Variants in ENPP3 observed in about 807,000 individuals in gnomAD.
The protein encoded by ENPP3 is ectonucleotide pyrophosphatase/phosphodiesterase 3.
Under a neutral mutation model 117.8 loss-of-function variants are expected in ENPP3, and 104 were observed. That is an observed-to-expected ratio of 0.88 (90% CI 0.75 to 1.04). The LOEUF is 1.04. Ranked by LOEUF, ENPP3 falls within the 50% of genes least tolerant of loss-of-function variation. The pLI, the probability that ENPP3 is intolerant of heterozygous loss-of-function variation, is 0.00. For missense variants in ENPP3, 1,026 were observed against 1,051.9 expected, an observed-to-expected ratio of 0.98 and a Z score of 0.34; for synonymous variants, 380 against 349.9, an observed-to-expected ratio of 1.09 and a Z score of -0.96.
rs1471370638 is a variant in ENPP3, at chr6:131,674,296, A to G, written c.762+15A>G. ...ATGGGCAACCAGTATGTAGCATTCTACACGTCGCAACTGAAGTAACCTCCA... is the reference window on the plus strand; with the variant it reads ...ATGGGCAACCAGTATGTAGCATTCTGCACGTCGCAACTGAAGTAACCTCCA... On this transcript the variant is annotated intron_variant, in intron 8 of 24. Transcript: ENST00000357639. 6.2e-7 allele frequency: 1 copy of G among 1,612,996 alleles called. No homozygotes were observed. The highest frequency in any genetic ancestry group is 1.7e-5 in the Admixed American group (1 of 60,006).
chr6:131,655,132 T>A (rs1778359101), intron 5 of ENPP3, among the ~76,000 whole-genome samples: 1 of 152,158 alleles, frequency 6.6e-6, no homozygotes, highest in South Asian at 2.1e-4. Flanking sequence ...CTAGTGAAAT[T>A]TTTCTATAGT....
rs1554268188 is a variant in ENPP3 at position 131,723,827 on chromosome 6, T to TCA, written c.1747-186_1747-185dup. On this transcript the variant is annotated intron_variant, in intron 18 of 24. Transcript: ENST00000357639. ...TTCTCTCTCTCTCTCTCTCTCTCTC[T>TCA]CACACACACACACACACACACACAC... 2.5e-3 allele frequency among the ~76,000 whole-genome samples: 372 copies of TCA among 145,920 alleles called. 1 individual carries two copies. Among genetic ancestry groups the TCA allele is most frequent in the Middle Eastern group, 7.2e-3 (2 of 278 alleles).
chr6:131,732,281 A>T (rs1443517899), intron 20 of ENPP3, among the ~76,000 whole-genome samples: 1 of 152,216 alleles, frequency 6.6e-6, no homozygotes, highest in African/African-American at 2.4e-5. Flanking sequence ...CTTACCCATG[A>T]TTATATGCTA....
chr6:131,641,428 A>C (rs1183550580), intron 1 of ENPP3, 27 bp from the exon 2 acceptor site: 29 of 1,532,070 alleles, frequency 1.9e-5, no homozygotes, highest in Non-Finnish European at 2.5e-5. Flanking sequence ...AAAAATTATA[A>C]AAGTTACTTT....
rs1780449377 is a variant in ENPP3, at chr6:131,738,463, T to C, written c.2300+300T>C. Among the ~76,000 whole-genome samples, 3 of 151,304 alleles carry C rather than the reference T, an allele frequency of 2.0e-5. No homozygotes were observed. The South Asian group carries it at 6.2e-4, about 31-fold the overall frequency. On this transcript the variant is annotated intron_variant, in intron 23 of 24. Transcript: ENST00000357639. The stretch of plus-strand genomic sequence containing the variant: ...AAAGGCTAAGGAGGTAGACAAAACT[T>C]GATGTACTATCAATGAGTATAAAAC...
At chr6:131,721,674 TC>T (rs1476846772) in intron 17 of ENPP3, among the ~76,000 whole-genome samples, 2 of 151,926 alleles carry the variant, frequency 1.3e-5, no homozygotes, top group African/African-American at 4.9e-5. Context: ...ATTCACTAGT[TC>T]CATTTTTTAA....
chr6:131,665,562 T>C lies in ENPP3; in HGVS notation c.563-5686T>C, dbSNP rs564757542. Among the ~76,000 whole-genome samples, 28 of 152,260 alleles carry C rather than the reference T, an allele frequency of 1.8e-4. 3 individuals are homozygous for C. In the South Asian group the frequency reaches 5.8e-3, roughly 32 times the overall value. On this transcript the variant is annotated intron_variant, in intron 6 of 24. Transcript: ENST00000357639. The stretch of plus-strand genomic sequence containing the variant: ...TCATAGTATTCTCTTAAGAACCTTT[T>C]ATATCTGCAGTATCAATTGTAATGT...
At chr6:131,681,099 A>G (rs565675364) in intron 11 of ENPP3, among the ~76,000 whole-genome samples, 40 of 152,324 alleles carry the variant, frequency 2.6e-4, no homozygotes, top group African/African-American at 9.4e-4. Context: ...ATGTCATGAC[A>G]ACAGGTGGAA....
intron 3 of ENPP3, among the ~76,000 whole-genome samples, chr6:131,651,509 A>G (rs1456699496): frequency 2.0e-5 from 3 of 152,182 alleles, no homozygotes; most frequent in Non-Finnish European, 4.4e-5. Context: ...GTGGTTCTCA[A>G]ACGTCGAGGT....
chr6:131,710,122 C>T (rs1181288265), intron 15 of ENPP3: 1 of 1,614,016 alleles, frequency 6.2e-7, no homozygotes, highest in Non-Finnish European at 8.5e-7. Flanking sequence ...TTCCCATTGA[C>T]TGTTCACTTT....
intron 23 of ENPP3, among the ~76,000 whole-genome samples, chr6:131,738,653 G>A (rs1241806372): frequency 6.6e-6 from 1 of 151,984 alleles, no homozygotes; most frequent in Non-Finnish European, 1.5e-5. Context: ...CAGAGAACTA[G>A]TCCTAACTAA....
At chr6:131,733,804 C>G in intron 21 of ENPP3, 81 bp downstream of exon 21, 1 of 1,442,028 alleles carries the variant, frequency 6.9e-7, no homozygotes, top group Non-Finnish European at 9.5e-7. Flanking sequence ...AACATATACT[C>G]CCCACCAAAA....
intron 20 of ENPP3, among the ~76,000 whole-genome samples, chr6:131,732,564 C>A (rs1780303970): frequency 6.6e-6 from 1 of 151,794 alleles, no homozygotes; most frequent in Non-Finnish European, 1.5e-5. Flanking sequence ...AGGCACCCAC[C>A]ACCACACCTG....
chr6:131,733,087 A>G (rs564328797), intron 20 of ENPP3, among the ~76,000 whole-genome samples: 4 of 152,248 alleles, frequency 2.6e-5, no homozygotes, highest in South Asian at 2.1e-4. Context: ...ATGGCTGTAA[A>G]TTTATTTATA....
chr6:131,667,780 T>C (rs1487045020), intron 6 of ENPP3, among the ~76,000 whole-genome samples: 1 of 152,182 alleles, frequency 6.6e-6, no homozygotes, highest in Non-Finnish European at 1.5e-5. Context: ...AGGGAATTGA[T>C]TTATGTGTGG....
chr6:131,711,268 G>C (rs555751692), intron 15 of ENPP3, among the ~76,000 whole-genome samples: 1 of 151,652 alleles, frequency 6.6e-6, no homozygotes, highest in South Asian at 2.1e-4. Flanking sequence ...GTCTGAGCCC[G>C]GCCCGCCTTA....
At chr6:131,650,783 A>G (rs988574267) in intron 3 of ENPP3, among the ~76,000 whole-genome samples, 1 of 152,142 alleles carries the variant, frequency 6.6e-6, no homozygotes, top group Non-Finnish European at 1.5e-5. Flanking sequence ...CTCTGCCTTC[A>G]TCTTCACATA....
chr6:131,730,474 G>C (rs901638759), intron 20 of ENPP3, among the ~76,000 whole-genome samples: 2 of 152,180 alleles, frequency 1.3e-5, no homozygotes, highest in Admixed American at 1.3e-4. Flanking sequence ...TGTTTTGGTG[G>C]ACTATATCAC....
intron 14 of ENPP3, among the ~76,000 whole-genome samples, chr6:131,689,382 A>T (rs1353041504): frequency 6.6e-6 from 1 of 152,096 alleles, no homozygotes; most frequent in Non-Finnish European, 1.5e-5. Context: ...GCCAATGTTC[A>T]TTCTGAAAAT....
Sources: allele counts gnomAD v4.1 joint callset (sites outside exome capture counted in the v4.1 genomes callset), GRCh38; gene constraint gnomAD v4.1.1; transcripts MANE v1.5; gene names NCBI Gene and HGNC (gene_info 2026-07-23, HGNC 2026-07-21).